Variants in C6orf120 observed in about 807,000 individuals in gnomAD.
C6orf120 encodes the protein chromosome 6 open reading frame 120.
For synonymous variants in C6orf120, 165 were observed against 123.1 expected (o/e 1.34, Z -2.25); for missense variants, 311 against 264.2 (o/e 1.18, Z -1.23).
chr6:169,704,498 A>G (rs542444340), exon 1 of C6orf120: 2 of 185,084 alleles, frequency 1.1e-5, no homozygotes, highest in East Asian at 3.3e-4. Context: ...CTCTGCTGAC[A>G]GCACTTTAAA....
exon 1 of C6orf120, chr6:169,703,893 T>C: frequency 1.3e-6 from 1 of 788,370 alleles, no homozygotes; most frequent in South Asian, 1.9e-5. Flanking sequence ...ACTGCAGATT[T>C]TAAGCTCATA....
chr6:169,705,867 G>C (rs1036890093), downstream of C6orf120: 3 of 631,480 alleles, frequency 4.8e-6, no homozygotes, highest in Non-Finnish European at 8.7e-6. Context: ...CTTGACAGGA[G>C]TCTGCCTACA....
exon 1 of C6orf120, chr6:169,702,615 G>A (rs778394489): frequency 6.2e-7 from 1 of 1,613,360 alleles, no homozygotes; most frequent in South Asian, 1.1e-5. Context: ...TAGGCGCCGG[G>A]AACTACAGCT....
At chr6:169,702,606 A>T (rs1360761732) in exon 1 of C6orf120, 2 of 1,613,206 alleles carry the variant, frequency 1.2e-6, no homozygotes, top group Non-Finnish European at 1.7e-6. Context: ...AGGGCCAGAT[A>T]GGCGCCGGGA....
In C6orf120 at chr6:169,703,113, T is replaced by A; in HGVS notation, c.*78T>A. On this transcript the variant is annotated 3_prime_UTR_variant, in exon 1 of 1. Transcript: ENST00000332290. ...AGTTTGCTGTGAACCTTGCTACTTG[T>A]ACTTGGTTGAAGTTCTAGGTACCTT... The A allele has an allele frequency of 2.1e-6, 3 of 1,420,258 alleles. No homozygotes were observed. In the South Asian group the frequency reaches 4.1e-5, roughly 19 times the overall value. The allele number at this position is 1,420,258 out of a possible 1,614,324, so 88.0% of individuals were successfully genotyped here. A position where few individuals can be genotyped will look rare whatever the true frequency, so the allele number is the denominator to read the frequency against.
At chr6:169,702,586 C>T (rs774284336) in exon 1 of C6orf120, 8 of 1,613,142 alleles carry the variant, frequency 5.0e-6, no homozygotes, top group Non-Finnish European at 6.8e-6. Context: ...GGTGCTCCTG[C>T]ACGTCGTCCA....
exon 1 of C6orf120, chr6:169,702,964 C>G (rs1424720300): frequency 6.2e-7 from 1 of 1,606,410 alleles, no homozygotes; most frequent in South Asian, 1.1e-5. Context: ...AGACGCCTCG[C>G]AAGAGGAGGA....
chr6:169,705,850 GAC>G (rs1788766809), downstream of C6orf120: 3 of 640,912 alleles, frequency 4.7e-6, no homozygotes, highest in African/African-American at 5.5e-5. Flanking sequence ...CATTTTGAAA[GAC>G]AAAACTTGAC....
exon 1 of C6orf120, chr6:169,704,309 A>G: frequency 2.0e-6 from 1 of 499,936 alleles, no homozygotes; most frequent in South Asian, 4.0e-5. Context: ...GGGATGGGAG[A>G]GATGCAATGC....
At chr6:169,702,723 C>G in exon 1 of C6orf120, 1 of 1,613,556 alleles carries the variant, frequency 6.2e-7, no homozygotes. Context: ...TGCACCCCAG[C>G]TTCGACGACT....
At chr6:169,705,072 T>C (rs1021808089), downstream of C6orf120, 5 of 1,300,468 alleles carry the variant, frequency 3.8e-6, no homozygotes, top group Non-Finnish European at 5.3e-6. Flanking sequence ...ATGCAGCCTT[T>C]TGGAGTGCTG....
At chr6:169,705,077 G>T, downstream of C6orf120, 1 of 1,347,950 alleles carries the variant, frequency 7.4e-7, no homozygotes, top group Non-Finnish European at 1.0e-6. Flanking sequence ...GCCTTTTGGA[G>T]TGCTGGGAGA....
upstream of C6orf120, chr6:169,702,169 A>G (rs1477398516): frequency 3.1e-6 from 2 of 641,880 alleles, no homozygotes; most frequent in Non-Finnish European, 2.9e-6. Flanking sequence ...CCGGATGTAT[A>G]AAGCGCGGCC....
downstream of C6orf120, chr6:169,705,608 ATACT>A: frequency 7.8e-7 from 1 of 1,280,076 alleles, no homozygotes; most frequent in Non-Finnish European, 1.1e-6. Flanking sequence ...AGACATTTCA[ATACT>A]TACCACTATT....
chr6:169,706,302 ACTT>A (rs1788782167), downstream of C6orf120, among the ~76,000 whole-genome samples: 1 of 149,298 alleles, frequency 6.7e-6, no homozygotes, highest in Admixed American at 6.7e-5. Context: ...TTTGTGGAAA[ACTT>A]AGTTGTGTGA....
exon 1 of C6orf120, chr6:169,704,163 C>T: frequency 1.9e-6 from 2 of 1,066,752 alleles, no homozygotes; most frequent in South Asian, 3.5e-5. Flanking sequence ...CTAAACTCTT[C>T]TGCCTTAGCT....
Position 169,703,185 on chromosome 6 carries a change from A to G in C6orf120, c.*150A>G, listed in dbSNP as rs572231838. 2.7e-4 allele frequency: 208 copies of G among 756,764 alleles called. 1 individual carries two copies. In the African/African-American group the frequency reaches 3.2e-3, roughly 12 times the overall value. 46.9% of individuals were successfully genotyped at this position (756,764 alleles called of 1,614,324 possible). A position where few individuals can be genotyped will look rare whatever the true frequency, so the allele number is the denominator to read the frequency against. Reference sequence around the variant, plus strand: ...AAGCCATACGCAGTTTTGTTACCTCAGTTACCCCAAAAATAGGAAAAGCAG... The same window carrying G: ...AAGCCATACGCAGTTTTGTTACCTCGGTTACCCCAAAAATAGGAAAAGCAG... On this transcript the variant is annotated 3_prime_UTR_variant, in exon 1 of 1. Coordinates refer to ENST00000332290, the Ensembl canonical transcript of C6orf120.
At chr6:169,702,949 C>T (rs778432234) in exon 1 of C6orf120, 7 of 1,610,328 alleles carry the variant, frequency 4.3e-6, no homozygotes, top group Non-Finnish European at 3.4e-6. Flanking sequence ...CGCTGGTGCC[C>T]CGGAAGACGC....
chr6:169,705,757 C>T (rs566759957), downstream of C6orf120: 4 of 1,013,338 alleles, frequency 3.9e-6, no homozygotes, highest in East Asian at 9.5e-5. Flanking sequence ...TAAATTCATG[C>T]CAGAAGAGCT....
Sources: gnomAD v4.1 joint callset for allele counts (sites outside exome capture counted in the v4.1 genomes callset) on GRCh38, gnomAD v4.1.1 for gene constraint, MANE v1.5 for transcripts, NCBI Gene and HGNC (gene_info 2026-07-23, HGNC 2026-07-21) for gene names.